The following NRXN2 variants were observed in gnomAD, a reference collection of about 807,000 sequenced individuals.
NRXN2 encodes the protein neurexin-2-beta.
A neutral mutation model predicts 128.8 loss-of-function variants in NRXN2; 29 were observed. The ratio of observed to expected loss-of-function variants is 0.23; its 90% confidence interval spans 0.17 to 0.31. The LOEUF is 0.31. Ranked by LOEUF, NRXN2 falls within the 10% of genes least tolerant of loss-of-function variation. The pLI, the probability that NRXN2 is intolerant of heterozygous loss-of-function variation, is 1.00. For missense variants in NRXN2, 1,881 were observed against 2,452.6 expected, an observed-to-expected ratio of 0.77 and a Z score of 4.92; for synonymous variants, 1,098 against 1,075.2, an observed-to-expected ratio of 1.02 and a Z score of -0.41.
rs114656615 is a variant in NRXN2 at position 64,681,503 on chromosome 11, G to T, written c.1152+4143C>A. On this transcript the variant is annotated intron_variant, in intron 6 of 22. Transcript: ENST00000265459. Reference sequence around the variant, plus strand: ...GATCAAGGAAGGCTTTTTGAAGAAGGTGGCATTTAAGCTGGGCCTGAAGGA... The same window carrying T: ...GATCAAGGAAGGCTTTTTGAAGAAGTTGGCATTTAAGCTGGGCCTGAAGGA... Among the ~76,000 whole-genome samples the T allele has an allele frequency of 6.2e-3, 947 of 152,312 alleles. 7 individuals are homozygous for T. The highest frequency in any genetic ancestry group is 0.022 in the African/African-American group (899 of 41,564).
chr11:64,642,726 T>C (rs1375228437), intron 17 of NRXN2: 156 of 1,438,102 alleles, frequency 1.1e-4, no homozygotes, highest in Non-Finnish European at 1.3e-4. Context: ...GCGGCGGCGG[T>C]GGAGGCGGCG....
intron 2 of NRXN2, among the ~76,000 whole-genome samples, chr11:64,706,442 G>A (rs890356392): frequency 6.6e-6 from 1 of 150,486 alleles, no homozygotes; most frequent in Non-Finnish European, 1.5e-5. Context: ...TTGTCCTTGC[G>A]ATAGTTTGCT....
chr11:64,698,422 C>T (rs2054846815), intron 2 of NRXN2, among the ~76,000 whole-genome samples: 1 of 152,238 alleles, frequency 6.6e-6, no homozygotes, highest in Non-Finnish European at 1.5e-5. Context: ...ATGATTCTGC[C>T]ACACAGCACT....
chr11:64,637,573 G>T (rs1177951529), intron 17 of NRXN2: 1 of 152,448 alleles, frequency 6.6e-6, no homozygotes, highest in Non-Finnish European at 1.5e-5. Flanking sequence ...CTGAATTTGG[G>T]GGGTGGGGCG....
rs970258960 is a variant in NRXN2, at chr11:64,632,457, C to T, written c.3586-1884G>A. On this transcript the variant is annotated intron_variant, in intron 18 of 22. Coordinates refer to ENST00000265459, the MANE Select transcript of NRXN2 (RefSeq NM_015080.4). The surrounding 1 kb of genome is among the most constrained non-coding windows in gnomAD (Gnocchi z 4.2). ...GGGCTGATCATCTGCTCCCCACACA[C>T]GGGAAGGAACAGTCGATCCTCCTCG... 2.0e-5 allele frequency among the ~76,000 whole-genome samples: 3 copies of T among 152,184 alleles called. No individual in the cohort carries two copies. The highest frequency in any genetic ancestry group is 2.4e-5 in the African/African-American group (1 of 41,430).
chr11:64,650,855 C>A (rs771281599), intron 14 of NRXN2, among the ~76,000 whole-genome samples: 16 of 152,092 alleles, frequency 1.1e-4, no homozygotes, highest in African/African-American at 3.9e-4. Context: ...ACCAAGGAGC[C>A]GGCTCTTGTG....
At chr11:64,653,811 G>T in intron 11 of NRXN2, 89 bp from the exon 12 acceptor site, 2 of 995,270 alleles carry the variant, frequency 2.0e-6, no homozygotes, top group Non-Finnish European at 3.0e-6. Context: ...ACAGGGAGGG[G>T]TGTCTGCGGG....
chr11:64,656,036 G>T (rs1398125761), intron 11 of NRXN2: 2 of 152,244 alleles, frequency 1.3e-5, no homozygotes, highest in Non-Finnish European at 1.5e-5. Context: ...AAAGCAGTCT[G>T]CATGGAAAGG....
At chr11:64,616,415 T>C (rs900567166) in intron 22 of NRXN2, among the ~76,000 whole-genome samples, 5 of 152,184 alleles carry the variant, frequency 3.3e-5, no homozygotes, top group Admixed American at 3.3e-4. Context: ...TGAACATGCA[T>C]ACAGGTCTCT....
At chr11:64,690,608 G>A (rs1475764698) in intron 4 of NRXN2, 132 bp from the exon 5 acceptor site, 1 of 791,434 alleles carries the variant, frequency 1.3e-6, no homozygotes, top group Non-Finnish European at 2.1e-6. Context: ...GGCTTTTCTG[G>A]GGACTCCCTT....
chr11:64,623,537 G>T lies in NRXN2; in HGVS notation c.3848-459C>A. 4.7e-6 allele frequency: 1 copy of T among 211,200 alleles called. No individual in the cohort carries two copies. The highest frequency in any genetic ancestry group is 1.2e-4 in the East Asian group (1 of 8,284). The allele number at this position is 211,200 out of a possible 1,614,324, so 13.1% of individuals were successfully genotyped here. A position where few individuals can be genotyped will look rare whatever the true frequency, so the allele number is the denominator to read the frequency against. On this transcript the variant is annotated intron_variant, in intron 20 of 22. Transcript: ENST00000265459. The surrounding 1 kb of genome is among the most constrained non-coding windows in gnomAD (Gnocchi z 4.9). ...GAGCCCCTGGAAGAGGCAGATAGAGGAGACAAAGAGGCAGAGACAGAGGAG... is the reference window on the plus strand; with the variant it reads ...GAGCCCCTGGAAGAGGCAGATAGAGTAGACAAAGAGGCAGAGACAGAGGAG...
At chr11:64,708,878 T>A (rs2056606263) in intron 2 of NRXN2, among the ~76,000 whole-genome samples, 1 of 152,162 alleles carries the variant, frequency 6.6e-6, no homozygotes, top group Admixed American at 6.5e-5. Flanking sequence ...AGGGGTACTG[T>A]GAATTACTGA....
rs1296267822 is a variant in NRXN2 at position 64,652,149 on chromosome 11, C to T, written c.2422G>A (p.Gly808Ser). 1 of 1,612,038 alleles carries T rather than the reference C, an allele frequency of 6.2e-7. No individual in the cohort carries two copies. Among genetic ancestry groups the T allele is most frequent in the African/African-American group, 1.3e-5 (1 of 75,010 alleles). ...CLRVGCAPSKGPETLFAGHKL... is the reference protein window; with the variant it reads ...CLRVGCAPSKSPETLFAGHKL... ...TGCCCCGCAAACAGCGTTTCGGGGC[C>T]TTTACCTGCGGCACCAAGGGGGGAA... is the stretch of plus-strand genomic sequence containing the variant. Residue 808 changes from glycine to serine, a missense_variant, in exon 13 of 23, where the codon GGC (glycine) becomes AGC (serine). Gly to Ser is a moderately conservative substitution (Grantham distance 56, BLOSUM62 0). Transcript: ENST00000265459.
At chr11:64,719,635 A>C (rs914603640) in intron 1 of NRXN2, among the ~76,000 whole-genome samples, 10 of 152,006 alleles carry the variant, frequency 6.6e-5, no homozygotes, top group African/African-American at 2.4e-4. Flanking sequence ...GGTGCAATGG[A>C]ATGACTTGGT....
intron 17 of NRXN2, chr11:64,642,843 G>A: frequency 9.3e-7 from 1 of 1,075,288 alleles, no homozygotes; most frequent in Middle Eastern, 4.2e-4. Context: ...CCATGGCCGG[G>A]GGCGGGGACG....
intron 17 of NRXN2, among the ~76,000 whole-genome samples, chr11:64,647,201 G>A (rs550657855): frequency 6.9e-6 from 1 of 145,680 alleles, no homozygotes; most frequent in South Asian, 2.2e-4. Flanking sequence ...AAATGGAGAC[G>A]CTTCGTTGTG....
intron 7 of NRXN2, among the ~76,000 whole-genome samples, chr11:64,670,977 C>T (rs2050554168): frequency 6.6e-6 from 1 of 152,224 alleles, no homozygotes; most frequent in South Asian, 2.1e-4. Flanking sequence ...CTCTCTCTAT[C>T]CCACTCCCTT....
chr11:64,665,675 C>T (rs189205393), intron 9 of NRXN2, among the ~76,000 whole-genome samples: 76 of 152,320 alleles, frequency 5.0e-4, no homozygotes, highest in Admixed American at 1.1e-3. Context: ...AGGGGCCCCT[C>T]CTTCCTGCAT....
rs2056687689 is a variant in NRXN2 at position 64,709,516 on chromosome 11, GA to G, written c.730+3453del. On this transcript the variant is annotated intron_variant, in intron 2 of 22. Transcript: ENST00000265459. ...TGCAGAGTGGGGAGAGAAAAGAAGG[GA>G]ATCAGTAGGGTTATTGCTGTGCCTG... Among the ~76,000 whole-genome samples the G allele has an allele frequency of 2.6e-5, 4 of 152,090 alleles. No individual in the cohort carries two copies. In the South Asian group the frequency reaches 8.3e-4, roughly 31 times the overall value.
Sources: gnomAD v4.1 joint callset for allele counts (sites outside exome capture counted in the v4.1 genomes callset) on GRCh38, gnomAD v4.1.1 for gene constraint, Gnocchi (gnomAD v3.1) non-coding constraint, MANE v1.5 for transcripts, NCBI Gene and HGNC (gene_info 2026-07-23, HGNC 2026-07-21) for gene names.